The following FOXP2 variants were observed in gnomAD, a reference collection of about 807,000 sequenced individuals.
FOXP2 encodes forkhead box protein P2.
Under a neutral mutation model 115.8 loss-of-function variants are expected in FOXP2, and 12 were observed. The observed-to-expected ratio is 0.10, with a 90% CI of 0.07 to 0.17. The LOEUF (loss-of-function observed/expected upper bound fraction) is 0.17, where lower values mean the gene tolerates loss of function less well. FOXP2 is among the 10% of genes least tolerant of loss of function. The pLI, the probability that FOXP2 is intolerant of heterozygous loss-of-function variation, is 1.00. For missense variants in FOXP2, 629 were observed against 843.5 expected, an observed-to-expected ratio of 0.75 and a Z score of 3.15; for synonymous variants, 328 against 297.7, an observed-to-expected ratio of 1.10 and a Z score of -1.05.
At chr7:114,088,642 GAAGTA>G (rs1303140034) in intron 1 of FOXP2, among the ~76,000 whole-genome samples, 1 of 152,250 alleles carries the variant, frequency 6.6e-6, no homozygotes, top group African/African-American at 2.4e-5. Flanking sequence ...GGTCAAAACT[GAAGTA>G]AAGATGAGCT....
chr7:114,128,117 G>A (rs2129144780), intron 1 of FOXP2, among the ~76,000 whole-genome samples: 1 of 152,170 alleles, frequency 6.6e-6, no homozygotes, highest in Non-Finnish European at 1.5e-5. Flanking sequence ...ATCTGCATGT[G>A]GTAAACTCTT....
At chr7:114,196,802 T>G (rs529891829) in intron 1 of FOXP2, among the ~76,000 whole-genome samples, 52 of 152,308 alleles carry the variant, frequency 3.4e-4, no homozygotes, top group Middle Eastern at 3.4e-3. Context: ...TATTTACATT[T>G]AAAGACCTTC....
At chr7:114,280,077 CAAATAAAT>C (rs141041172) in intron 1 of FOXP2, among the ~76,000 whole-genome samples, 1,611 of 142,956 alleles carry the variant, frequency 0.011, 17 homozygotes, top group African/African-American at 0.019. Context: ...GACTCTCAGG[CAAATAAAT>C]AAATAAATAA....
At chr7:114,230,222 T>G (rs1794839897) in intron 1 of FOXP2, among the ~76,000 whole-genome samples, 1 of 151,874 alleles carries the variant, frequency 6.6e-6, no homozygotes, top group African/African-American at 2.4e-5. Context: ...GTAAGGAGAT[T>G]GAATCAGTAA....
intron 2 of FOXP2, among the ~76,000 whole-genome samples, chr7:114,531,026 A>G (rs1799117218): frequency 6.6e-6 from 1 of 151,932 alleles, no homozygotes; most frequent in South Asian, 2.1e-4. Flanking sequence ...GTTTCCTAAA[A>G]TAGGATAACT....
intron 1 of FOXP2, among the ~76,000 whole-genome samples, chr7:114,140,136 A>G (rs1488144785): frequency 6.6e-6 from 1 of 152,054 alleles, no homozygotes; most frequent in Non-Finnish European, 1.5e-5. Context: ...ATGACAACGT[A>G]TGCAGAAAGA....
chr7:114,370,855 A>C (rs1475065972), intron 2 of FOXP2, among the ~76,000 whole-genome samples: 1 of 152,184 alleles, frequency 6.6e-6, no homozygotes, highest in Admixed American at 6.5e-5. Context: ...TCTCAGTCAA[A>C]GAAATAATAT....
chr7:114,188,849 G>T (rs1793683415), intron 1 of FOXP2, among the ~76,000 whole-genome samples: 1 of 152,068 alleles, frequency 6.6e-6, no homozygotes, highest in Non-Finnish European at 1.5e-5. Flanking sequence ...TGAATGAATT[G>T]GGGGGAACAT....
At chr7:114,128,304 C>A (rs992526554) in intron 1 of FOXP2, among the ~76,000 whole-genome samples, 21 of 152,146 alleles carry the variant, frequency 1.4e-4, no homozygotes, top group Non-Finnish European at 4.4e-5. Context: ...ATCATCTGTG[C>A]TTGATCATGG....
At chr7:114,528,866 A>G (rs902176767) in intron 2 of FOXP2, among the ~76,000 whole-genome samples, 8 of 152,002 alleles carry the variant, frequency 5.3e-5, no homozygotes, top group Non-Finnish European at 1.5e-5. Flanking sequence ...GCAGAAAGAT[A>G]AATAATCAAA....
intron 3 of FOXP2, among the ~76,000 whole-genome samples, chr7:114,541,051 G>T (rs1291302807): frequency 2.0e-5 from 3 of 152,006 alleles, no homozygotes; most frequent in Non-Finnish European, 4.4e-5. Context: ...TCAGGGAAGG[G>T]AATTCTGAGA....
At chr7:114,227,579 G>T (rs796556392) in intron 1 of FOXP2, among the ~76,000 whole-genome samples, 71 of 151,308 alleles carry the variant, frequency 4.7e-4, no homozygotes, top group African/African-American at 1.5e-3. Context: ...CTAGACTTCT[G>T]CATTTTACTT....
Position 114,689,909 on chromosome 7 carries a change from T to A in FOXP2, c.2131T>A (p.Ser711Thr). The change falls in exon 17 of 17, where the codon TCT becomes ACT. Residue 711 changes from serine (S) to threonine (T), a missense_variant. Physicochemically the swap from Ser to Thr is moderately conservative, Grantham distance 58. Transcript: ENST00000350908. ...DDREIEEEPL[S>T]EDLE The stretch of plus-strand genomic sequence containing the variant: ...CAGAGAGATTGAAGAAGAGCCTTTA[T>A]CTGAAGATCTGGAATGAGAACTGAC... 30 of 1,613,290 alleles carry A rather than the reference T, an allele frequency of 1.9e-5. No homozygotes were observed. The highest frequency in any genetic ancestry group is 2.5e-5 in the Non-Finnish European group (30 of 1,179,446).
chr7:114,362,545 G>T (rs1350388429), intron 2 of FOXP2, among the ~76,000 whole-genome samples: 1 of 151,998 alleles, frequency 6.6e-6, no homozygotes, highest in Non-Finnish European at 1.5e-5. Context: ...TATGAAAAAT[G>T]GAAAGAATTT....
chr7:114,277,502 C>T (rs1796217433), intron 1 of FOXP2, among the ~76,000 whole-genome samples: 1 of 151,900 alleles, frequency 6.6e-6, no homozygotes, highest in Non-Finnish European at 1.5e-5. Flanking sequence ...ATATTGGATA[C>T]AGTCTAGTGG....
chr7:114,522,208 A>G (rs1352166630), intron 2 of FOXP2, among the ~76,000 whole-genome samples: 5 of 152,168 alleles, frequency 3.3e-5, no homozygotes, highest in African/African-American at 1.2e-4. Context: ...GTGCTAATGC[A>G]AAATGAAGGG....
intron 2 of FOXP2, among the ~76,000 whole-genome samples, chr7:114,310,328 A>G (rs1797118724): frequency 6.6e-6 from 1 of 152,172 alleles, no homozygotes; most frequent in Non-Finnish European, 1.5e-5. Context: ...CACTAGGTCT[A>G]GGCTAGCTGG....
intron 1 of FOXP2, among the ~76,000 whole-genome samples, chr7:114,232,264 G>A (rs1794897596): frequency 6.6e-6 from 1 of 152,080 alleles, no homozygotes; most frequent in Admixed American, 6.5e-5. Flanking sequence ...CACTGTTGGT[G>A]GGAATGTAAA....
Position 114,219,814 on chromosome 7 carries a change from C to T in FOXP2, c.-102+56726C>T, listed in dbSNP as rs906043030. On this transcript the variant is annotated intron_variant, in intron 1 of 17. Transcript: ENST00000634411. ...CATTACATTGTAACCATAGCTAGCA[C>T]GAGGTTTCTGTTTTCATAATTCTGT... 3.3e-5 allele frequency among the ~76,000 whole-genome samples: 5 copies of T among 151,730 alleles called. No individual in the cohort carries two copies. In the East Asian group the frequency reaches 9.6e-4, roughly 29 times the overall value.
Sources: gnomAD v4.1 joint callset for allele counts (sites outside exome capture counted in the v4.1 genomes callset) on GRCh38, gnomAD v4.1.1 for gene constraint, MANE v1.5 for transcripts, NCBI Gene and HGNC (gene_info 2026-07-23, HGNC 2026-07-21) for gene names.